KCNH7: variants seen among roughly 807,000 people sequenced by gnomAD.
KCNH7 encodes the protein voltage-gated inwardly rectifying potassium channel KCNH7.
KCNH7 carries 49 observed loss-of-function variants against 120.8 expected under a neutral mutation model. That is an observed-to-expected ratio of 0.41 (90% confidence interval 0.32 to 0.51). The LOEUF (loss-of-function observed/expected upper bound fraction) is 0.51. Among genes scored for constraint, KCNH7 ranks in the 20% least tolerant of loss-of-function variants. KCNH7 has a pLI of 0.38. For missense variants in KCNH7, 1,097 were observed against 1,446.6 expected, an observed-to-expected ratio of 0.76 and a Z score of 3.92; for synonymous variants, 547 against 516.1, an observed-to-expected ratio of 1.06 and a Z score of -0.81.
At chr2:162,562,039 A>G (rs1048497836) in intron 2 of KCNH7, among the ~76,000 whole-genome samples, 3 of 152,066 alleles carry the variant, frequency 2.0e-5, no homozygotes, top group Non-Finnish European at 4.4e-5. Context: ...GGAGGGGATC[A>G]TCACACACCG....
intron 2 of KCNH7, among the ~76,000 whole-genome samples, chr2:162,704,771 G>A (rs147662934): frequency 6.6e-6 from 1 of 152,286 alleles, no homozygotes; most frequent in East Asian, 1.9e-4. Context: ...TCTAGTGATT[G>A]AAGGCAAAAT....
chr2:162,779,271 G>C (rs1683384811), intron 2 of KCNH7, among the ~76,000 whole-genome samples: 1 of 151,932 alleles, frequency 6.6e-6, no homozygotes, highest in South Asian at 2.1e-4. Flanking sequence ...CGTAATCTCG[G>C]CTCACTGCAA....
chr2:162,794,432 A>G lies in KCNH7; in HGVS notation c.307+42105T>C, dbSNP rs867150249. Among the ~76,000 whole-genome samples, 31 of 152,154 alleles carry G rather than the reference A, an allele frequency of 2.0e-4. No individual in the cohort carries two copies. In the Middle Eastern group the frequency reaches 0.01, roughly 50 times the overall value. Reference sequence around the variant, plus strand: ...CATCAACGCTTTTCTCCTAAAAAGAACTCAACTCAGTCCTGGGCTAGAAAA... The same window carrying G: ...CATCAACGCTTTTCTCCTAAAAAGAGCTCAACTCAGTCCTGGGCTAGAAAA... On this transcript the variant is annotated intron_variant, in intron 2 of 15. Coordinates refer to ENST00000332142, the MANE Select transcript of KCNH7 (RefSeq NM_033272.4).
intron 2 of KCNH7, among the ~76,000 whole-genome samples, chr2:162,732,836 T>G (rs752397581): frequency 6.6e-6 from 1 of 152,214 alleles, no homozygotes; most frequent in Non-Finnish European, 1.5e-5. Flanking sequence ...TGTGGGTATC[T>G]CTTTCTACAC....
At position 162,831,336 on chromosome 2, in the gene KCNH7, G is replaced by A. The variant is rs146733212; in HGVS notation, c.307+5201C>T. 4.9e-4 allele frequency among the ~76,000 whole-genome samples: 74 copies of A among 152,216 alleles called. 1 individual carries two copies. Among genetic ancestry groups the A allele is most frequent in the African/African-American group, 1.6e-3 (66 of 41,540 alleles). Reference sequence around the variant, plus strand: ...TCTCCCAGTATGTAGAGGATGGATCGGGGGAGAGAAACTAGATACTTGAAT... The same window carrying A: ...TCTCCCAGTATGTAGAGGATGGATCAGGGGAGAGAAACTAGATACTTGAAT... On this transcript the variant is annotated intron_variant, in intron 2 of 15. Transcript: ENST00000332142.
At chr2:162,393,363 C>T (rs372485223) in intron 12 of KCNH7, among the ~76,000 whole-genome samples, 1 of 151,866 alleles carries the variant, frequency 6.6e-6, no homozygotes, top group Admixed American at 6.6e-5. Flanking sequence ...TCATGAACAT[C>T]TCCTATGTGA....
chr2:162,558,237 C>T lies in KCNH7; in HGVS notation c.308-21157G>A, dbSNP rs184804177. On this transcript the variant is annotated intron_variant, in intron 2 of 15. Coordinates refer to ENST00000332142, the MANE Select transcript of KCNH7 (RefSeq NM_033272.4). ...CTGGCCAGGCTGGAGTACAGTGGCA[C>T]GATCTCGGCTCACTTCAAGCTCTGC... Among the ~76,000 whole-genome samples the T allele has an allele frequency of 4.0e-5, 6 of 151,796 alleles. No homozygotes were observed. In the East Asian group the frequency reaches 7.8e-4, roughly 20 times the overall value.
intron 6 of KCNH7, among the ~76,000 whole-genome samples, chr2:162,489,321 A>G (rs1408044955): frequency 6.6e-6 from 1 of 152,164 alleles, no homozygotes; most frequent in African/African-American, 2.4e-5. Context: ...GAAGAAGAAT[A>G]ATTGTTTTGG....
At chr2:162,451,112 A>AT (rs1335235894) in intron 6 of KCNH7, among the ~76,000 whole-genome samples, 1 of 152,044 alleles carries the variant, frequency 6.6e-6, no homozygotes, top group African/African-American at 2.4e-5. Flanking sequence ...TTGTTCTGAT[A>AT]TGCCATTTAA....
intron 2 of KCNH7, among the ~76,000 whole-genome samples, chr2:162,649,805 A>G (rs1362050062): frequency 6.6e-6 from 1 of 152,196 alleles, no homozygotes; most frequent in African/African-American, 2.4e-5. Flanking sequence ...TCAGTAACCG[A>G]GTATAATTAA....
intron 2 of KCNH7, among the ~76,000 whole-genome samples, chr2:162,569,560 G>A (rs879231575): frequency 2.2e-5 from 3 of 137,384 alleles, no homozygotes; most frequent in Non-Finnish European, 4.7e-5. Flanking sequence ...GTTATTTCTT[G>A]CCTTCTGCTA....
At chr2:162,609,911 T>G (rs552729935) in intron 2 of KCNH7, among the ~76,000 whole-genome samples, 27 of 152,270 alleles carry the variant, frequency 1.8e-4, no homozygotes, top group Admixed American at 9.2e-4. Context: ...AGAGTCTGAA[T>G]CCAAATCTAA....
At chr2:162,589,591 T>C (rs1484249899) in intron 2 of KCNH7, among the ~76,000 whole-genome samples, 4 of 152,012 alleles carry the variant, frequency 2.6e-5, no homozygotes, top group Non-Finnish European at 5.9e-5. Flanking sequence ...AGCATAATCA[T>C]AGGATGCACA....
At chr2:162,638,486 C>A (rs1332053432) in intron 2 of KCNH7, among the ~76,000 whole-genome samples, 1 of 152,012 alleles carries the variant, frequency 6.6e-6, no homozygotes, top group Non-Finnish European at 1.5e-5. Context: ...AGCACTGTTA[C>A]TGAACCTTAC....
intron 2 of KCNH7, among the ~76,000 whole-genome samples, chr2:162,686,506 G>C (rs1272270555): frequency 6.6e-6 from 1 of 152,046 alleles, no homozygotes; most frequent in South Asian, 2.1e-4. Context: ...GTCATGGTTT[G>C]GTCATAAGGG....
chr2:162,436,953 T>A (rs889478146), intron 7 of KCNH7, among the ~76,000 whole-genome samples: 20 of 151,824 alleles, frequency 1.3e-4, no homozygotes, highest in Non-Finnish European at 2.4e-4. Context: ...ATACAAAAAA[T>A]TAAAATAAAA....
chr2:162,743,265 T>C (rs910161009), intron 2 of KCNH7, among the ~76,000 whole-genome samples: 8 of 152,184 alleles, frequency 5.3e-5, no homozygotes, highest in Admixed American at 3.9e-4. Flanking sequence ...TTGAATTGTG[T>C]GCCTTGTGCA....
chr2:162,810,188 TACAGGCGTGAGCCACCGCGCCCGGC>T lies in KCNH7; in HGVS notation c.307+26324_307+26348del, dbSNP rs1684690187. On this transcript the variant is annotated intron_variant, in intron 2 of 15. Coordinates refer to ENST00000332142, the MANE Select transcript of KCNH7 (RefSeq NM_033272.4). The stretch of plus-strand genomic sequence containing the variant: ...CCTCGGCCTCCCAAAGTGCTGGGAT[TACAGGCGTGAGCCACCGCGCCCGGC>T]CTCACCTATTCTTAATATAATATAC... 2.5e-4 allele frequency among the ~76,000 whole-genome samples: 5 copies of T among 20,274 alleles called. 1 individual carries two copies. Among genetic ancestry groups the T allele is most frequent in the East Asian group, 1.2e-3 (1 of 838 alleles). The allele number at this position is 20,274 out of a possible 152,430, so 13.3% of individuals were successfully genotyped here.
chr2:162,473,856 GTCTT>G (rs1360482620), intron 6 of KCNH7, among the ~76,000 whole-genome samples: 9 of 152,250 alleles, frequency 5.9e-5, no homozygotes, highest in Non-Finnish European at 1.2e-4. Flanking sequence ...TGTGTATAAA[GTCTT>G]TCTGTAGGAA....
Sources: allele counts gnomAD v4.1 joint callset (sites outside exome capture counted in the v4.1 genomes callset), GRCh38; gene constraint gnomAD v4.1.1; transcripts MANE v1.5; gene names NCBI Gene and HGNC (gene_info 2026-07-23, HGNC 2026-07-21).